The following SPART variants were observed in gnomAD, a reference collection of about 807,000 sequenced individuals.
SPART encodes spartin.
In SPART, 35 loss-of-function variants were observed where a neutral mutation model predicts 58.7. The observed-to-expected ratio is 0.60, with a 90% CI of 0.46 to 0.79. The LOEUF (loss-of-function observed/expected upper bound fraction) is 0.79. Ranked by LOEUF, SPART falls within the 30% of genes least tolerant of loss-of-function variation. SPART has a pLI of 0.00. For synonymous variants in SPART, 284 were observed against 280.7 expected (o/e 1.01, Z -0.12); for missense variants, 730 against 786.1 (o/e 0.93, Z 0.85).
intron 8 of SPART, among the ~76,000 whole-genome samples, chr13:36,309,808 G>A (rs1189340601): frequency 1.3e-5 from 2 of 152,122 alleles, no homozygotes; most frequent in Non-Finnish European, 1.5e-5. Context: ...GGGATCATTT[G>A]TACCCCAAAC....
Position 36,302,518 on chromosome 13 carries a change from C to G in SPART, c.*1847G>C, listed in dbSNP as rs540414622. On this transcript the variant is annotated 3_prime_UTR_variant, in exon 9 of 9. Coordinates refer to ENST00000438666, the MANE Select transcript of SPART (RefSeq NM_015087.5). ...GTTATTTATGAAAACAGGTGGACAT[C>G]TGGATTTAGCCCATGGAGGATATTT... The G allele has an allele frequency of 5.3e-5, 8 of 152,164 alleles. No individual in the cohort carries two copies. Among genetic ancestry groups the G allele is most frequent in the Non-Finnish European group, 1.0e-4 (7 of 68,028 alleles). 9.4% of individuals were successfully genotyped at this position (152,164 alleles called of 1,614,324 possible).
At chr13:36,347,454 A>G (rs1053388498), upstream of SPART, among the ~76,000 whole-genome samples, 5 of 152,092 alleles carry the variant, frequency 3.3e-5, no homozygotes, top group African/African-American at 9.7e-5. Flanking sequence ...CTTGACCTCA[A>G]GTTAGCCAGG....
chr13:36,322,225 T>A (rs1193383067), intron 5 of SPART, among the ~76,000 whole-genome samples: 4 of 152,144 alleles, frequency 2.6e-5, no homozygotes, highest in Non-Finnish European at 5.9e-5. Context: ...ATTGGGCGGA[T>A]CACCTGAGGT....
At chr13:36,350,433 A>G (rs1208370598), upstream of SPART, among the ~76,000 whole-genome samples, 1 of 152,202 alleles carries the variant, frequency 6.6e-6, no homozygotes, top group Non-Finnish European at 1.5e-5. Context: ...ACCTTAGGCC[A>G]TCTAGACAGA....
intron 5 of SPART, chr13:36,326,353 C>T: frequency 1.9e-6 from 1 of 540,500 alleles, no homozygotes; most frequent in South Asian, 2.1e-5. Context: ...TATCCATTTT[C>T]CCAATAGTAG....
chr13:36,304,655 CATACAATG>C lies in SPART; in HGVS notation c.1734-31_1734-24del, dbSNP rs1416797388. 10 of 1,610,422 alleles carry C rather than the reference CATACAATG, an allele frequency of 6.2e-6. No homozygotes were observed. The East Asian group carries it at 2.0e-4, about 32-fold the overall frequency. On this transcript the variant is annotated intron_variant, in intron 8 of 8. Coordinates refer to ENST00000438666, the MANE Select transcript of SPART (RefSeq NM_015087.5). Reference sequence around the variant, plus strand: ...TATCTTTAAAAGAAAGATTAGAGGACATACAATGAAACAATAAATATAAAATAAGGTCT... The same window carrying C: ...TATCTTTAAAAGAAAGATTAGAGGACAAACAATAAATATAAAATAAGGTCT...
intron 3 of SPART, 90 bp downstream of exon 3, chr13:36,331,306 GATT>G (rs1883434387): frequency 9.4e-7 from 1 of 1,067,050 alleles, no homozygotes; most frequent in South Asian, 1.3e-5. Context: ...TCCTAACCTT[GATT>G]ACAGTAGAGG....
rs1249591343 is a variant in SPART, at chr13:36,335,518, T to A, written c.313A>T (p.Asn105Tyr). 6.2e-7 allele frequency: 1 copy of A among 1,614,176 alleles called. No individual in the cohort carries two copies. The highest frequency in any genetic ancestry group is 1.1e-5 in the South Asian group (1 of 91,084). Residue 105 changes from asparagine (N) to tyrosine (Y), a missense_variant, in exon 2 of 9, where the codon AAT (asparagine) becomes TAT (tyrosine). Asn to Tyr is a moderately radical substitution (Grantham distance 143, BLOSUM62 -2). Transcript: ENST00000438666. The stretch of plus-strand genomic sequence containing the variant: ...AACTTGGGCACCTCCTGAAGATCAT[T>A]CTGCAGAGAAGTGGCAAGACCCTTC... ...LEKGLATSLQ[N>Y]DLQEVPKLYP...
chr13:36,367,426 A>T (rs190017917), intron 1 of SPART, among the ~76,000 whole-genome samples: 2 of 152,114 alleles, frequency 1.3e-5, no homozygotes, highest in Admixed American at 1.3e-4. Flanking sequence ...CCTGAGCCCT[A>T]TGCAAATCAA....
chr13:36,367,715 G>A (rs1043876095), intron 1 of SPART, among the ~76,000 whole-genome samples: 8 of 152,160 alleles, frequency 5.3e-5, no homozygotes, highest in African/African-American at 9.7e-5. Flanking sequence ...GTGTATTCCC[G>A]GTCTTGTTAG....
At chr13:36,354,833 C>G (rs1406630783) in intron 1 of SPART, among the ~76,000 whole-genome samples, 1 of 152,198 alleles carries the variant, frequency 6.6e-6, no homozygotes, top group African/African-American at 2.4e-5. Context: ...GCCAATTCTA[C>G]TCTACGTGGA....
chr13:36,327,011 A>C (rs1290421055), intron 4 of SPART, among the ~76,000 whole-genome samples: 1 of 152,198 alleles, frequency 6.6e-6, no homozygotes, highest in Non-Finnish European at 1.5e-5. Flanking sequence ...TCAAACAGAT[A>C]TCATCCCTAG....
chr13:36,335,589 A>T lies in SPART; in HGVS notation c.242T>A (p.Met81Lys). 6.2e-7 allele frequency: 1 copy of T among 1,613,236 alleles called. No individual in the cohort carries two copies. ...WESARQMQQK[M>K]KETLQNVRTR... ...GCGTACATTCTGTAGAGTTTCTTTC[A>T]TTTTCTGTTGCATCTGTCTAGCAGA... Residue 81 changes from methionine to lysine, a missense_variant, in exon 2 of 9, where the codon ATG (methionine) becomes AAG (lysine). Transcript: ENST00000438666.
intron 1 of SPART, among the ~76,000 whole-genome samples, chr13:36,344,171 T>G (rs557925204): frequency 6.6e-6 from 1 of 152,124 alleles, no homozygotes; most frequent in African/African-American, 2.4e-5. Context: ...AAACCCAGAG[T>G]GTCCCGTCGT....
At chr13:36,333,892 T>G (rs540328989) in intron 2 of SPART, among the ~76,000 whole-genome samples, 1 of 152,324 alleles carries the variant, frequency 6.6e-6, no homozygotes, top group African/African-American at 2.4e-5. Flanking sequence ...ATATTCTTTC[T>G]GTCCAGTATC....
intron 4 of SPART, 26 bp from the exon 5 acceptor site, chr13:36,326,724 G>A (rs2087322865): frequency 6.2e-7 from 1 of 1,610,838 alleles, no homozygotes; most frequent in Non-Finnish European, 8.5e-7. Context: ...GTTTCAAAAT[G>A]TGAAGAGTTA....
chr13:36,368,198 CATGTTAAGCACTAT>C, intron 1 of SPART: 1 of 463,672 alleles, frequency 2.2e-6, no homozygotes, highest in Non-Finnish European at 4.5e-6. Flanking sequence ...TCCCTTCCAG[CATGTTAAGCACTAT>C]ATGAGCTGCT....
At chr13:36,304,669 A>G (rs1880327890) in intron 8 of SPART, 37 bp from the exon 9 acceptor site, 1 of 1,597,730 alleles carries the variant, frequency 6.3e-7, no homozygotes, top group Non-Finnish European at 8.5e-7. Flanking sequence ...CAATGAAACA[A>G]TAAATATAAA....
chr13:36,358,160 A>G (rs1424969667), intron 1 of SPART, among the ~76,000 whole-genome samples: 1 of 152,232 alleles, frequency 6.6e-6, no homozygotes, highest in Non-Finnish European at 1.5e-5. Context: ...AGATTTGGCA[A>G]AAATACGCCA....
Sources: allele counts gnomAD v4.1 joint callset (sites outside exome capture counted in the v4.1 genomes callset), GRCh38; gene constraint gnomAD v4.1.1; transcripts MANE v1.5; gene names NCBI Gene and HGNC (gene_info 2026-07-23, HGNC 2026-07-21).